The following ASIC2 variants were observed in gnomAD, a reference collection of about 807,000 sequenced individuals.
ASIC2 encodes the protein acid-sensing ion channel 2.
In ASIC2, 25 loss-of-function variants were observed where a neutral mutation model predicts 57.3. The ratio of observed to expected loss-of-function variants is 0.44; its 90% CI spans 0.32 to 0.61. The LOEUF is 0.61. Among genes scored for constraint, ASIC2 ranks in the 20% least tolerant of loss-of-function variants. The probability of loss-of-function intolerance (pLI) is 0.06; values close to 1 mark genes in which losing one functional copy is unlikely to be tolerated. For synonymous variants in ASIC2, 319 were observed against 307.5 expected (o/e 1.04, Z -0.39); for missense variants, 641 against 738.1 (o/e 0.87, Z 1.52).
At chr17:33,940,772 A>G (rs772478667) in intron 1 of ASIC2, among the ~76,000 whole-genome samples, 6 of 152,244 alleles carry the variant, frequency 3.9e-5, no homozygotes, top group South Asian at 2.1e-4. Flanking sequence ...AAAGAACACA[A>G]TGGGGGATCT....
intron 1 of ASIC2, among the ~76,000 whole-genome samples, chr17:34,078,252 G>A (rs926371464): frequency 6.6e-6 from 1 of 152,130 alleles, no homozygotes; most frequent in Non-Finnish European, 1.5e-5. Flanking sequence ...CAGAGCAGAG[G>A]TAGGCTCTGA....
At chr17:33,236,553 T>G (rs1268906423) in intron 1 of ASIC2, among the ~76,000 whole-genome samples, 1 of 151,588 alleles carries the variant, frequency 6.6e-6, no homozygotes, top group East Asian at 2.0e-4. Context: ...GTTGCCCAGG[T>G]TGATCTTGAA....
chr17:33,169,076 G>A (rs1040037710), intron 1 of ASIC2, among the ~76,000 whole-genome samples: 1 of 152,188 alleles, frequency 6.6e-6, no homozygotes, highest in African/African-American at 2.4e-5. Flanking sequence ...TGGGTTCACT[G>A]CCCAGAGCTG....
At chr17:33,206,684 G>A (rs1370071213) in intron 1 of ASIC2, among the ~76,000 whole-genome samples, 3 of 152,074 alleles carry the variant, frequency 2.0e-5, no homozygotes, top group African/African-American at 4.8e-5. Context: ...CTCTGATTGG[G>A]GAAGGGAGGC....
chr17:33,535,142 C>CT (rs1196652180), intron 1 of ASIC2, among the ~76,000 whole-genome samples: 1 of 152,176 alleles, frequency 6.6e-6, no homozygotes, highest in South Asian at 2.1e-4. Flanking sequence ...TTCCTGCTCC[C>CT]TTGCAAAGAC....
intron 1 of ASIC2, among the ~76,000 whole-genome samples, chr17:33,999,404 A>C (rs1411662039): frequency 6.6e-6 from 1 of 152,106 alleles, no homozygotes; most frequent in African/African-American, 2.4e-5. Context: ...CATTTTGTTA[A>C]TTGATTTCTG....
At chr17:33,878,875 C>T (rs957429241) in intron 1 of ASIC2, among the ~76,000 whole-genome samples, 6 of 152,164 alleles carry the variant, frequency 3.9e-5, no homozygotes, top group African/African-American at 9.7e-5. Context: ...GGGTTACCCA[C>T]AAGGGGAAGC....
chr17:33,473,029 G>T (rs1913105559), intron 1 of ASIC2, among the ~76,000 whole-genome samples: 1 of 152,222 alleles, frequency 6.6e-6, no homozygotes, highest in African/African-American at 2.4e-5. Flanking sequence ...AAATGAGTCA[G>T]CCGGGAGCAC....
intron 1 of ASIC2, among the ~76,000 whole-genome samples, chr17:33,472,425 T>G (rs6505343): frequency 0.82 from 124,161 of 152,098 alleles, 51,109 homozygotes; most frequent in African/African-American, 0.92. Context: ...AGAAAGTAGG[T>G]ATTATGGCAC....
intron 1 of ASIC2, among the ~76,000 whole-genome samples, chr17:33,748,054 T>A (rs958331283): frequency 2.0e-5 from 3 of 152,262 alleles, no homozygotes; most frequent in African/African-American, 7.2e-5. Context: ...TTGCGAAGGT[T>A]AAGCGACTTG....
At chr17:33,904,865 C>A (rs1284446692) in intron 1 of ASIC2, among the ~76,000 whole-genome samples, 1 of 152,190 alleles carries the variant, frequency 6.6e-6, no homozygotes, top group Non-Finnish European at 1.5e-5. Flanking sequence ...CAGAACCACA[C>A]TCTTCTTGCG....
chr17:34,004,289 T>C (rs1906450656), intron 1 of ASIC2: 1 of 152,242 alleles, frequency 6.6e-6, no homozygotes, highest in African/African-American at 2.4e-5. Context: ...TCATAAACCA[T>C]CTAGGAATGC....
At chr17:33,586,094 A>T (rs1904620826) in intron 1 of ASIC2, among the ~76,000 whole-genome samples, 2 of 152,198 alleles carry the variant, frequency 1.3e-5, no homozygotes, top group African/African-American at 4.8e-5. Context: ...CAGGAGAAGC[A>T]AGTGAACATG....
At chr17:33,035,255 T>C (rs1184552628) in intron 3 of ASIC2, among the ~76,000 whole-genome samples, 2 of 152,212 alleles carry the variant, frequency 1.3e-5, no homozygotes, top group Non-Finnish European at 2.9e-5. Context: ...TGATTGTTAT[T>C]GTAAAGTTGC....
chr17:33,520,797 A>G (rs1206492139), intron 1 of ASIC2, among the ~76,000 whole-genome samples: 1 of 152,166 alleles, frequency 6.6e-6, no homozygotes, highest in Non-Finnish European at 1.5e-5. Context: ...GATAGCAGGG[A>G]GTTCTGTTTC....
At position 33,745,983 on chromosome 17, in the gene ASIC2, T is replaced by C. The variant is rs563438095; in HGVS notation, c.555+409995A>G. Among the ~76,000 whole-genome samples the C allele has an allele frequency of 2.6e-5, 4 of 152,184 alleles. No homozygotes were observed. In the South Asian group the frequency reaches 8.3e-4, roughly 32 times the overall value. On this transcript the variant is annotated intron_variant, in intron 1 of 9. Coordinates refer to the ASIC2 transcript ENST00000359872. ...AAACAATATGTATATAATTGCATTG[T>C]TGCACCTGTAATACACAGAAATATA...
At chr17:33,144,599 C>A (rs2142021892) in intron 1 of ASIC2, among the ~76,000 whole-genome samples, 1 of 152,222 alleles carries the variant, frequency 6.6e-6, no homozygotes, top group East Asian at 1.9e-4. Context: ...GGGTTTAATA[C>A]CCTGTGTTTT....
intron 1 of ASIC2, among the ~76,000 whole-genome samples, chr17:33,118,890 T>C (rs2141994676): frequency 6.6e-6 from 1 of 152,170 alleles, no homozygotes; most frequent in East Asian, 1.9e-4. Flanking sequence ...TGGCAGCTGC[T>C]GCCAAGCCTA....
intron 1 of ASIC2, among the ~76,000 whole-genome samples, chr17:33,929,680 T>A (rs980516878): frequency 6.6e-6 from 1 of 152,146 alleles, no homozygotes; most frequent in Non-Finnish European, 1.5e-5. Flanking sequence ...AAGGAGGAGG[T>A]GCCCTGACTC....
Sources: gnomAD v4.1 joint callset for allele counts (sites outside exome capture counted in the v4.1 genomes callset) on GRCh38, gnomAD v4.1.1 for gene constraint, MANE v1.5 for transcripts, NCBI Gene and HGNC (gene_info 2026-07-23, HGNC 2026-07-21) for gene names.